SHOC1: variants seen among roughly 807,000 people sequenced by gnomAD.
SHOC1 encodes the protein protein shortage in chiasmata 1 ortholog.
In SHOC1, 136 loss-of-function variants were observed where a neutral mutation model predicts 179.2. The observed-to-expected ratio is 0.76, with a 90% CI of 0.66 to 0.87. The LOEUF is 0.87. SHOC1 is among the 40% of genes least tolerant of loss of function. The pLI is 0.00. For missense variants in SHOC1, 1,538 were observed against 1,700.8 expected, an observed-to-expected ratio of 0.90 and a Z score of 1.68; for synonymous variants, 489 against 586.6, an observed-to-expected ratio of 0.83 and a Z score of 2.41.
intron 8 of SHOC1, among the ~76,000 whole-genome samples, chr9:111,749,453 A>T (rs1345753695): frequency 6.6e-6 from 1 of 152,100 alleles, no homozygotes; most frequent in African/African-American, 2.4e-5. Context: ...ATTTCCACAG[A>T]ATTAATTCTA....
intron 5 of SHOC1, among the ~76,000 whole-genome samples, chr9:111,761,442 C>A (rs1835131778): frequency 6.6e-6 from 1 of 152,096 alleles, no homozygotes; most frequent in African/African-American, 2.4e-5. Flanking sequence ...GTGGAGGTTG[C>A]AGTTAGCTGA....
intron 7 of SHOC1, among the ~76,000 whole-genome samples, chr9:111,757,846 T>C (rs569789607): frequency 1.3e-5 from 2 of 152,336 alleles, no homozygotes; most frequent in Admixed American, 1.3e-4. Context: ...ACCAGACCAA[T>C]TTATCAGAAT....
intron 6 of SHOC1, among the ~76,000 whole-genome samples, 169 bp from the exon 7 acceptor site, chr9:111,758,364 G>C (rs1188891770): frequency 1.3e-5 from 2 of 152,244 alleles, no homozygotes; most frequent in African/African-American, 2.4e-5. Flanking sequence ...GGGAGGCCGA[G>C]GCGGGTGGAT....
chr9:111,730,187 G>A (rs928180297), intron 12 of SHOC1, among the ~76,000 whole-genome samples: 2 of 152,112 alleles, frequency 1.3e-5, no homozygotes, highest in Non-Finnish European at 2.9e-5. Flanking sequence ...CACCACTAAA[G>A]TCTTGAACCC....
rs142455861 is a variant in SHOC1 at position 111,749,777 on chromosome 9, TG to T, written c.863-1579del. Among the ~76,000 whole-genome samples the T allele has an allele frequency of 4.0e-3, 612 of 152,300 alleles. 1 individual carries two copies. The highest frequency in any genetic ancestry group is 6.5e-3 in the Non-Finnish European group (445 of 68,012). ...CTTATAAGTGAGAACATGTGGTGTT[TG>T]GCTTTCTGTTCCTGCATTAGTTTGC... On this transcript the variant is annotated intron_variant, in intron 8 of 27. Transcript: ENST00000682961.
chr9:111,777,683 T>C (rs937744828), intron 4 of SHOC1, among the ~76,000 whole-genome samples: 1 of 152,198 alleles, frequency 6.6e-6, no homozygotes, highest in African/African-American at 2.4e-5. Context: ...GATCTTCCAA[T>C]AGATAAATAT....
At position 111,692,361 on chromosome 9, in the gene SHOC1, G is replaced by A; in HGVS notation, c.3616C>T (p.His1206Tyr). 1 of 1,611,992 alleles carries A rather than the reference G, an allele frequency of 6.2e-7. No homozygotes were observed. The change falls in exon 27 of 28, where the codon CAT becomes TAT. Residue 1206 changes from histidine (H) to tyrosine (Y), a missense_variant. Coordinates refer to ENST00000682961, the MANE Select transcript of SHOC1 (RefSeq NM_001378211.1). ...CCTAAATACTGATAATATTCATTAT[G>A]TTCTTGAATGACAGAGTCTAAATCA... The part of the protein sequence containing the change: ...ASDLDSVIQE[H>Y]NEYYQYLGLG...
intron 10 of SHOC1, among the ~76,000 whole-genome samples, chr9:111,743,401 C>T (rs889796312): frequency 1.9e-4 from 29 of 152,112 alleles, no homozygotes; most frequent in East Asian, 5.8e-4. Context: ...TGCACTGTTG[C>T]GAGCAGTGTG....
chr9:111,743,809 C>T (rs866620878), intron 10 of SHOC1, among the ~76,000 whole-genome samples: 5 of 152,096 alleles, frequency 3.3e-5, no homozygotes, highest in Admixed American at 6.6e-5. Context: ...TTTATTCTCC[C>T]GGCATAAAGG....
intron 15 of SHOC1, among the ~76,000 whole-genome samples, chr9:111,722,141 G>T (rs112176685): frequency 1.1e-3 from 164 of 152,242 alleles, no homozygotes; most frequent in African/African-American, 3.9e-3. Context: ...CAATAATAAA[G>T]TTAATTTAAT....
Position 111,692,090 on chromosome 9 carries a change from G to T in SHOC1, c.3887C>A (p.Ser1296Tyr), listed in dbSNP as rs762049578. The T allele has an allele frequency of 6.8e-6, 11 of 1,613,906 alleles. No homozygotes were observed. The highest frequency in any genetic ancestry group is 9.3e-6 in the Non-Finnish European group (11 of 1,179,850). The change falls in exon 27 of 28, where the codon TCT (serine) becomes TAT (tyrosine). Residue 1296 changes from serine (S) to tyrosine (Y), a missense_variant. Ser to Tyr is a moderately radical substitution (Grantham distance 144). Coordinates refer to ENST00000682961, the MANE Select transcript of SHOC1 (RefSeq NM_001378211.1). ...ACAGTTCATTTGTGTTAGACCCAAA[G>T]AAAAGACATCTGACTCTGAATCACT... Reference protein sequence around the residue: ...NHSDSESDVFSLGLTQMNCET... With the variant: ...NHSDSESDVFYLGLTQMNCET...
chr9:111,722,968 A>T (rs1347208816), intron 14 of SHOC1, among the ~76,000 whole-genome samples: 1 of 151,978 alleles, frequency 6.6e-6, no homozygotes, highest in Non-Finnish European at 1.5e-5. Flanking sequence ...CGCCCAGCTA[A>T]TTTTTGTTTC....
intron 1 of SHOC1, among the ~76,000 whole-genome samples, chr9:111,792,773 C>A (rs1299438759): frequency 2.0e-5 from 3 of 152,150 alleles, no homozygotes; most frequent in Non-Finnish European, 4.4e-5. Context: ...TGTGGCCACC[C>A]TCTTTCACTC....
chr9:111,728,114 T>C (rs559164208), intron 12 of SHOC1, 65 bp from the exon 13 acceptor site: 56 of 1,129,182 alleles, frequency 5.0e-5, no homozygotes, highest in Admixed American at 1.7e-4. Flanking sequence ...TATTAGGTAT[T>C]TGAATAACTT....
At chr9:111,767,410 GTCT>G (rs1205261349) in intron 5 of SHOC1, among the ~76,000 whole-genome samples, 1 of 152,114 alleles carries the variant, frequency 6.6e-6, no homozygotes, top group African/African-American at 2.4e-5. Flanking sequence ...TCTGCATATA[GTCT>G]TCTAGTTTTC....
chr9:111,790,226 G>T (rs1431288469), intron 2 of SHOC1, among the ~76,000 whole-genome samples: 2 of 152,238 alleles, frequency 1.3e-5, no homozygotes, highest in East Asian at 3.9e-4. Context: ...ATCATAGTAG[G>T]ATGGTGCAAA....
At chr9:111,702,512 A>G (rs980746252) in intron 22 of SHOC1, among the ~76,000 whole-genome samples, 5 of 152,242 alleles carry the variant, frequency 3.3e-5, no homozygotes, top group African/African-American at 9.6e-5. Flanking sequence ...TTGGCACGCC[A>G]TAGGCTAGTC....
At chr9:111,736,535 G>T (rs1212332864) in intron 12 of SHOC1, among the ~76,000 whole-genome samples, 1 of 152,022 alleles carries the variant, frequency 6.6e-6, no homozygotes, top group African/African-American at 2.4e-5. Flanking sequence ...AAACTGGATC[G>T]CTATCTTTCA....
rs533556397 is a variant in SHOC1 at position 111,789,720 on chromosome 9, T to C, written c.45+1654A>G. On this transcript the variant is annotated intron_variant, in intron 2 of 27. Coordinates refer to ENST00000682961, the MANE Select transcript of SHOC1 (RefSeq NM_001378211.1). ...AGCGTTTGTATTATATCACGGACTG[T>C]TGGATACCAGCAGAAACCAAAATAT... Among the ~76,000 whole-genome samples, 7 of 152,318 alleles carry C rather than the reference T, an allele frequency of 4.6e-5. No individual in the cohort carries two copies. The South Asian group carries it at 1.4e-3, about 32-fold the overall frequency.
Sources: gnomAD v4.1 joint callset for allele counts (sites outside exome capture counted in the v4.1 genomes callset) on GRCh38, gnomAD v4.1.1 for gene constraint, MANE v1.5 for transcripts, NCBI Gene and HGNC (gene_info 2026-07-23, HGNC 2026-07-21) for gene names.